Variants in SEC63 observed in about 807,000 individuals in gnomAD.
SEC63 encodes SEC63 protein translocation regulator.
In SEC63, 56 loss-of-function variants were observed where a neutral mutation model predicts 116.2. That is an observed-to-expected ratio of 0.48 (90% CI 0.39 to 0.60). The LOEUF is 0.60. Among genes scored for constraint, SEC63 ranks in the 20% least tolerant of loss-of-function variants. The probability of loss-of-function intolerance (pLI) is 0.00; values close to 1 mark genes in which losing one functional copy is unlikely to be tolerated. For missense variants in SEC63, 668 were observed against 900.0 expected (o/e 0.74, Z 3.30); for synonymous variants, 273 against 294.6 (o/e 0.93, Z 0.75).
chr6:107,938,991 A>AT (rs1770314577), intron 1 of SEC63, among the ~76,000 whole-genome samples: 2 of 152,368 alleles, frequency 1.3e-5, no homozygotes, highest in South Asian at 4.1e-4. Flanking sequence ...AGTTGAAAGA[A>AT]TATTACAATG....
At chr6:107,927,090 TCTTA>T (rs1323240419) in intron 2 of SEC63, among the ~76,000 whole-genome samples, 5 of 151,978 alleles carry the variant, frequency 3.3e-5, no homozygotes, top group Non-Finnish European at 7.4e-5. Flanking sequence ...GGGAATGGAG[TCTTA>T]CTCTGTCACC....
At chr6:107,893,434 T>C in intron 16 of SEC63, 48 bp downstream of exon 16, 1 of 1,553,724 alleles carries the variant, frequency 6.4e-7, no homozygotes, top group South Asian at 1.1e-5. Flanking sequence ...ACATTTTAGT[T>C]TGTATATTTT....
rs542901626 is a variant in SEC63, at chr6:107,916,862, A to G, written c.453-3435T>C. Among the ~76,000 whole-genome samples the G allele has an allele frequency of 2.6e-5, 4 of 152,226 alleles. No homozygotes were observed. In the South Asian group the frequency reaches 8.3e-4, roughly 32 times the overall value. On this transcript the variant is annotated intron_variant, in intron 4 of 20. Coordinates refer to ENST00000369002, the MANE Select transcript of SEC63 (RefSeq NM_007214.5). ...TTCCCCCATCTCTCTCCCACTCCTC[A>G]TGCCTCCCTATTCCCTGAGACACAC...
chr6:107,905,972 G>A (rs1049021792), intron 10 of SEC63, among the ~76,000 whole-genome samples: 1 of 152,132 alleles, frequency 6.6e-6, no homozygotes, highest in African/African-American at 2.4e-5. Flanking sequence ...AAAACACACC[G>A]CACCACCATG....
rs200328503 is a variant in SEC63, at chr6:107,903,007, G to T, written c.1055-9C>A. The T allele has an allele frequency of 6.2e-7, 1 of 1,613,602 alleles. No individual in the cohort carries two copies. The highest frequency in any genetic ancestry group is 1.3e-5 in the African/African-American group (1 of 74,872). ...AGCACGAAACTCCCTTTCTTAGAAA[G>T]AACAGGAAAAAAAGAAACAGGGCTG... On this transcript the variant is annotated splice_polypyrimidine_tract_variant and intron_variant, in intron 11 of 20. Transcript: ENST00000369002.
chr6:107,878,099 G>A (rs1257798172), intron 18 of SEC63, among the ~76,000 whole-genome samples: 15 of 152,178 alleles, frequency 9.9e-5, no homozygotes, highest in Non-Finnish European at 1.0e-4. Context: ...AAATAAGTGT[G>A]GCTGTGTTCT....
chr6:107,881,403 C>T (rs1158102516), intron 17 of SEC63, among the ~76,000 whole-genome samples, 153 bp from the exon 18 acceptor site: 2 of 152,066 alleles, frequency 1.3e-5, no homozygotes, highest in Non-Finnish European at 2.9e-5. Context: ...CTCATCCTTA[C>T]AATGCCTTTT....
intron 16 of SEC63, among the ~76,000 whole-genome samples, chr6:107,891,079 G>A (rs1325377622): frequency 3.9e-5 from 6 of 152,082 alleles, no homozygotes; most frequent in African/African-American, 1.4e-4. Context: ...ATATCTTTGT[G>A]GTGTTCTCTG....
intron 16 of SEC63, among the ~76,000 whole-genome samples, chr6:107,886,007 T>C (rs6935080): frequency 0.82 from 125,080 of 152,002 alleles, 51,714 homozygotes; most frequent in Middle Eastern, 0.91. Context: ...ATCCCTCCCC[T>C]AGCCCACCAC....
At chr6:107,874,001 T>G (rs1046876351) in intron 19 of SEC63, among the ~76,000 whole-genome samples, 1 of 152,188 alleles carries the variant, frequency 6.6e-6, no homozygotes, top group African/African-American at 2.4e-5. Context: ...AAAACACTGT[T>G]GGAGAATAGG....
chr6:107,904,751 T>C (rs186812730), intron 10 of SEC63, 30 bp from the exon 11 acceptor site: 1 of 1,497,600 alleles, frequency 6.7e-7, no homozygotes, highest in Admixed American at 1.7e-5. Context: ...CTGAAACAGA[T>C]CATTTTAATT....
rs969389082 is a variant in SEC63 at position 107,870,155 on chromosome 6, T to C, written c.*1549A>G. 6.6e-6 allele frequency: 1 copy of C among 152,388 alleles called. No individual in the cohort carries two copies. Among genetic ancestry groups the C allele is most frequent in the African/African-American group, 2.4e-5 (1 of 41,348 alleles). The allele number at this position is 152,388 out of a possible 1,614,324, so 9.4% of individuals were successfully genotyped here. On this transcript the variant is annotated 3_prime_UTR_variant, in exon 21 of 21. Coordinates refer to ENST00000369002, the MANE Select transcript of SEC63 (RefSeq NM_007214.5). Reference sequence around the variant, plus strand: ...TAAACCCACCCTCCTACTTGTACAATGAAGTAAATGAAAAAAATCCTCAGT... The same window carrying C: ...TAAACCCACCCTCCTACTTGTACAACGAAGTAAATGAAAAAAATCCTCAGT...
In SEC63 at chr6:107,912,781, T is replaced by C. The variant is rs377577480; in HGVS notation, c.515-7A>G. The C allele has an allele frequency of 4.0e-5, 64 of 1,604,882 alleles. No individual in the cohort carries two copies. Among genetic ancestry groups the C allele is most frequent in the South Asian group, 1.5e-4 (14 of 90,722 alleles). On this transcript the variant is annotated splice_region_variant and splice_polypyrimidine_tract_variant and intron_variant, in intron 5 of 20. Coordinates refer to ENST00000369002, the MANE Select transcript of SEC63 (RefSeq NM_007214.5). ...GCAATTCCAAAGCTTGTGGCTGAAA[T>C]AGAAAAAATATCAGTTTCTGAAGAA...
chr6:107,893,641 G>C lies in SEC63; in HGVS notation c.1515C>G (p.Asn505Lys), dbSNP rs765093039. Reference protein sequence around the residue: ...QPAEDGQGETNKNRTKGGWQQ... With the variant: ...QPAEDGQGETKKNRTKGGWQQ... ...GCCATCCTCCTTTTGTCCTGTTCTT[G>C]TTAGTTTCACCCTGCTGTGAATCAT... Residue 505 changes from asparagine (N) to lysine (K), a missense_variant, in exon 16 of 21, where the codon AAC (asparagine) becomes AAG (lysine). Asn to Lys is a moderately conservative substitution (Grantham distance 94). Around this residue, in one of 5 missense-constraint regions of SEC63, gnomAD observed 430 missense variants for 557.5 expected, o/e 0.77. Coordinates refer to ENST00000369002, the MANE Select transcript of SEC63 (RefSeq NM_007214.5). 6.2e-7 allele frequency: 1 copy of C among 1,612,768 alleles called. No individual in the cohort carries two copies. The highest frequency in any genetic ancestry group is 2.2e-5 in the East Asian group (1 of 44,824).
intron 4 of SEC63, among the ~76,000 whole-genome samples, chr6:107,916,591 G>A (rs958430247): frequency 6.6e-6 from 1 of 152,194 alleles, no homozygotes; most frequent in Non-Finnish European, 1.5e-5. Flanking sequence ...TGCCATTTGT[G>A]TTAACCCTGC....
chr6:107,884,926 G>T (rs1338684387), intron 16 of SEC63, among the ~76,000 whole-genome samples: 3 of 45,102 alleles, frequency 6.7e-5, no homozygotes, highest in Admixed American at 2.5e-4. Context: ...AAGGAAAAAA[G>T]TGGAAAAAAA....
At chr6:107,874,553 G>A (rs895455795) in intron 19 of SEC63, among the ~76,000 whole-genome samples, 34 of 139,216 alleles carry the variant, frequency 2.4e-4, no homozygotes, top group Admixed American at 4.0e-4. Flanking sequence ...CCGAGATCAT[G>A]CCACTGCACT....
chr6:107,950,665 A>T (rs1770563395), intron 1 of SEC63, among the ~76,000 whole-genome samples: 2 of 152,242 alleles, frequency 1.3e-5, no homozygotes, highest in African/African-American at 4.8e-5. Context: ...ACTGAAACAC[A>T]CGGAAGTTAA....
At chr6:107,940,217 C>G (rs193118660) in intron 1 of SEC63, among the ~76,000 whole-genome samples, 37 of 152,196 alleles carry the variant, frequency 2.4e-4, no homozygotes, top group African/African-American at 8.7e-4. Context: ...AGCAGAACCA[C>G]CCCTCTACCA....
Sources: gnomAD v4.1 joint callset for allele counts (sites outside exome capture counted in the v4.1 genomes callset) on GRCh38, gnomAD v4.1.1 for gene constraint, gnomAD v4.1.1 regional missense constraint, MANE v1.5 for transcripts, NCBI Gene and HGNC (gene_info 2026-07-23, HGNC 2026-07-21) for gene names.